Variants in DNAJB1 observed in about 807,000 individuals in gnomAD.
The protein encoded by DNAJB1 is dnaJ homolog subfamily B member 1.
Under a neutral mutation model 24.0 loss-of-function variants are expected in DNAJB1, and 14 were observed. The observed-to-expected ratio is 0.58, with a 90% CI of 0.39 to 0.91. DNAJB1 has a LOEUF of 0.91. Among genes scored for constraint, DNAJB1 ranks in the 40% least tolerant of loss-of-function variants. DNAJB1 has a pLI of 0.00. For missense variants in DNAJB1, 517 were observed against 458.1 expected, an observed-to-expected ratio of 1.13 and a Z score of -1.17; for synonymous variants, 262 against 174.4, an observed-to-expected ratio of 1.50 and a Z score of -3.96.
At chr19:14,540,688 G>A (rs2073068338) in intron 1 of DNAJB1, among the ~76,000 whole-genome samples, 1 of 150,714 alleles carries the variant, frequency 6.6e-6, no homozygotes, top group South Asian at 2.2e-4. Context: ...CACCGTGCCT[G>A]GCCATAATTT....
At chr19:14,543,599 C>T (rs1424808649) in intron 1 of DNAJB1, among the ~76,000 whole-genome samples, 10 of 147,880 alleles carry the variant, frequency 6.8e-5, no homozygotes, top group East Asian at 4.0e-4. Flanking sequence ...CTACCACGCC[C>T]GGCTAATTTT....
intron 1 of DNAJB1, among the ~76,000 whole-genome samples, chr19:14,545,523 CCT>C (rs2073276682): frequency 6.6e-6 from 1 of 152,156 alleles, no homozygotes. Context: ...GGGGGGATAG[CCT>C]CTCTCAGTCG....
At position 14,515,924 on chromosome 19, in the gene DNAJB1, T is replaced by G. The variant is rs897501241; in HGVS notation, c.*16A>C. The G allele has an allele frequency of 2.5e-6, 4 of 1,604,650 alleles. No homozygotes were observed. The highest frequency in any genetic ancestry group is 3.4e-6 in the Non-Finnish European group (4 of 1,177,014). ...TCTGGAAAGGTCCCTGGTCAGTCCTTGGGGAGCTCAGATAGCTATATTGGA... is the reference window on the plus strand; with the variant it reads ...TCTGGAAAGGTCCCTGGTCAGTCCTGGGGGAGCTCAGATAGCTATATTGGA... On this transcript the variant is annotated 3_prime_UTR_variant, in exon 3 of 3. Coordinates refer to ENST00000254322, the MANE Select transcript of DNAJB1 (RefSeq NM_006145.3).
upstream of DNAJB1, chr19:14,529,606 G>A (rs377544418): frequency 1.8e-5 from 29 of 1,597,728 alleles, no homozygotes; most frequent in Non-Finnish European, 2.4e-5. Context: ...TTAGTCTATC[G>A]CTGCGGTTGC....
At chr19:14,544,028 G>A (rs1422894605) in intron 1 of DNAJB1, among the ~76,000 whole-genome samples, 1 of 152,072 alleles carries the variant, frequency 6.6e-6, no homozygotes, top group Non-Finnish European at 1.5e-5. Flanking sequence ...GTGAGCCAAC[G>A]TGCCGGGCCT....
intron 1 of DNAJB1, chr19:14,517,886 C>G: frequency 2.6e-6 from 1 of 386,216 alleles, no homozygotes; most frequent in East Asian, 3.9e-5. Flanking sequence ...TGCTCGGGGC[C>G]GCGGGAGGAG....
At chr19:14,516,260 C>T (rs2072259629) in intron 2 of DNAJB1, 90 bp from the exon 3 acceptor site, 1 of 1,437,434 alleles carries the variant, frequency 7.0e-7, no homozygotes, top group Admixed American at 2.3e-5. Context: ...TAAGACCCAT[C>T]AGGCCTCTGC....
At chr19:14,548,563 T>G (rs966381051) in intron 1 of DNAJB1, among the ~76,000 whole-genome samples, 5 of 152,160 alleles carry the variant, frequency 3.3e-5, no homozygotes, top group African/African-American at 9.6e-5. Flanking sequence ...TCTGCAGCAC[T>G]GCTCATCTCT....
In DNAJB1 at chr19:14,543,419, ATTTTTTTTT is replaced by A. The variant is rs1169742953; in HGVS notation, c.-214+6780_-214+6788del. Among the ~76,000 whole-genome samples the A allele has an allele frequency of 6.2e-3, 134 of 21,718 alleles. 1 individual carries two copies. Among genetic ancestry groups the A allele is most frequent in the Admixed American group, 9.0e-3 (11 of 1,226 alleles). 14.2% of individuals were successfully genotyped at this position (21,718 alleles called of 152,430 possible). A position where few individuals can be genotyped will look rare whatever the true frequency, so the allele number is the denominator to read the frequency against. ...TATATATATATATATATATATATAT[ATTTTTTTTT>A]TTTTTTTTTTTTTTTTTTTTTTTTT... On this transcript the variant is annotated intron_variant, in intron 1 of 3. Coordinates refer to the DNAJB1 transcript ENST00000676982.
chr19:14,543,403 A>ATTTTTT (rs2073171796), intron 1 of DNAJB1, among the ~76,000 whole-genome samples: 1 of 9,792 alleles, frequency 1.0e-4, no homozygotes, highest in Non-Finnish European at 2.9e-4. Context: ...ATATATATAT[A>ATTTTTT]TATATATATA....
At chr19:14,529,616 C>G (rs776974226), upstream of DNAJB1, 2 of 1,604,326 alleles carry the variant, frequency 1.2e-6, no homozygotes, top group Non-Finnish European at 1.7e-6. Flanking sequence ...GCTGCGGTTG[C>G]GAGCGCTGTA....
chr19:14,537,282 G>A (rs1243247298), intron 1 of DNAJB1, among the ~76,000 whole-genome samples: 1 of 145,222 alleles, frequency 6.9e-6, no homozygotes, highest in East Asian at 2.1e-4. Flanking sequence ...AGGGGGAGGC[G>A]GGACCAGGGA....
chr19:14,518,035 CG>C, intron 1 of DNAJB1, 103 bp downstream of exon 1: 1 of 1,250,094 alleles, frequency 8.0e-7, no homozygotes, highest in African/African-American at 1.6e-5. Context: ...CTCGGCCCCA[CG>C]GCCCGGGGCG....
At chr19:14,554,265 G>A (rs148604691), upstream of DNAJB1, among the ~76,000 whole-genome samples, 410 of 152,294 alleles carry the variant, frequency 2.7e-3, 1 homozygote, top group African/African-American at 9.2e-3. Flanking sequence ...GGCAGGGAAC[G>A]TGAAATAACT....
At chr19:14,537,746 T>G (rs1191553907) in intron 1 of DNAJB1, among the ~76,000 whole-genome samples, 1 of 64,114 alleles carries the variant, frequency 1.6e-5, no homozygotes, top group Non-Finnish European at 4.3e-5. Flanking sequence ...TTATCAGTGT[T>G]TTTTTTTTTT....
At chr19:14,553,963 G>T (rs1250583389), upstream of DNAJB1, among the ~76,000 whole-genome samples, 1 of 152,192 alleles carries the variant, frequency 6.6e-6, no homozygotes, top group Non-Finnish European at 1.5e-5. Flanking sequence ...CCAGACTCGG[G>T]AGATGCTTCC....
intron 1 of DNAJB1, among the ~76,000 whole-genome samples, chr19:14,549,211 C>CTT (rs561284094): frequency 5.6e-4 from 62 of 111,148 alleles, no homozygotes; most frequent in East Asian, 9.3e-4. Context: ...TTTAATTGGA[C>CTT]TTTTTTTTTT....
intron 1 of DNAJB1, among the ~76,000 whole-genome samples, chr19:14,548,336 C>T (rs2073375631): frequency 6.6e-6 from 1 of 152,096 alleles, no homozygotes; most frequent in African/African-American, 2.4e-5. Flanking sequence ...TTTCCCCACC[C>T]CCTTGGTGGC....
At chr19:14,556,764 T>C (rs2073740921) in intron 1 of DNAJB1, among the ~76,000 whole-genome samples, 1 of 152,216 alleles carries the variant, frequency 6.6e-6, no homozygotes, top group Admixed American at 6.5e-5. Flanking sequence ...GCTTTGGGAC[T>C]GTTCCTGAGC....
Sources: gnomAD v4.1 joint callset for allele counts (sites outside exome capture counted in the v4.1 genomes callset) on GRCh38, gnomAD v4.1.1 for gene constraint, MANE v1.5 for transcripts, NCBI Gene and HGNC (gene_info 2026-07-23, HGNC 2026-07-21) for gene names.